The following RPTOR variants were observed in gnomAD, a reference collection of about 807,000 sequenced individuals.
The protein encoded by RPTOR is regulatory associated protein of MTOR complex 1, also known as regulatory-associated protein of mTOR.
RPTOR carries 21 observed loss-of-function variants against 169.9 expected under a neutral mutation model. The observed-to-expected ratio is 0.12, with a 90% CI of 0.09 to 0.18. The LOEUF is 0.18. RPTOR is among the 10% of genes least tolerant of loss of function. RPTOR has a pLI of 1.00. For missense variants in RPTOR, 1,133 were observed against 1,855.9 expected (o/e 0.61, Z 7.16); for synonymous variants, 732 against 753.2 (o/e 0.97, Z 0.46).
intron 20 of RPTOR, among the ~76,000 whole-genome samples, chr17:80,904,511 T>G (rs1175586279): frequency 3.3e-5 from 5 of 152,152 alleles, no homozygotes; most frequent in African/African-American, 9.7e-5. Flanking sequence ...CTGTGGCCAT[T>G]GGGCTCTGAA....
intron 1 of RPTOR, among the ~76,000 whole-genome samples, chr17:80,547,314 A>T (rs4890041): frequency 0.34 from 51,814 of 151,984 alleles, 9,745 homozygotes; most frequent in African/African-American, 0.47. Flanking sequence ...AAGACTTTTT[A>T]AAAAATTCTT....
At chr17:80,848,197 T>G (rs921322612) in intron 11 of RPTOR, among the ~76,000 whole-genome samples, 31 of 152,186 alleles carry the variant, frequency 2.0e-4, no homozygotes, top group Non-Finnish European at 4.4e-5. Flanking sequence ...TGATCCCAGC[T>G]CCTCAGTAGG....
chr17:80,734,422 G>A lies in RPTOR; in HGVS notation c.654+3716G>A, dbSNP rs79693682. Among the ~76,000 whole-genome samples, 835 of 152,254 alleles carry A rather than the reference G, an allele frequency of 5.5e-3. 9 individuals are homozygous for A. The highest frequency in any genetic ancestry group is 0.019 in the African/African-American group (803 of 41,524). ...CTCGATTTTCTCCTTTGTTCTCCTA[G>A]GGGAAATCCTCAAGCACTGCCCTAA... On this transcript the variant is annotated intron_variant, in intron 5 of 33. Transcript: ENST00000306801.
At position 80,940,537 on chromosome 17, in the gene RPTOR, G is replaced by A; in HGVS notation, c.2961G>A (p.Glu987=). The change falls in exon 25 of 34, where the codon GAG becomes GAA. Residue 987 remains glutamate, a synonymous_variant. Transcript: ENST00000306801. The part of the protein sequence containing the change: ...EHDLESQIRK[E]REWRFLRNSR... ...ACCTGGAGAGTCAGATCCGCAAGGA[G>A]CGGGAGTGGCGGTTCCTGCGAAACA... The A allele has an allele frequency of 1.2e-6, 2 of 1,613,606 alleles. No individual in the cohort carries two copies. The highest frequency in any genetic ancestry group is 8.5e-7 in the Non-Finnish European group (1 of 1,179,852).
intron 13 of RPTOR, among the ~76,000 whole-genome samples, chr17:80,872,974 G>A (rs1033112412): frequency 2.6e-5 from 4 of 152,228 alleles, no homozygotes; most frequent in East Asian, 1.9e-4. Context: ...AGCCTAGAGC[G>A]GGCCCCCCAC....
chr17:80,882,841 A>G (rs1006406060), intron 14 of RPTOR, among the ~76,000 whole-genome samples: 5 of 152,360 alleles, frequency 3.3e-5, no homozygotes, highest in African/African-American at 9.6e-5. Context: ...GAGCCCTGCA[A>G]TAATCCAAGA....
Position 80,855,560 on chromosome 17 carries a change from C to A in RPTOR, c.1398+13C>A, listed in dbSNP as rs775430040. On this transcript the variant is annotated intron_variant, in intron 12 of 33. Transcript: ENST00000306801. ...GGCAGTGAGCCTGGTGCGTGCCTTC[C>A]GCATTAACCTGGGGGCTGAGGGAGG... is the stretch of plus-strand genomic sequence containing the variant. The A allele has an allele frequency of 1.9e-5, 31 of 1,596,314 alleles. No homozygotes were observed. The highest frequency in any genetic ancestry group is 2.6e-5 in the Non-Finnish European group (30 of 1,163,892).
At chr17:80,585,469 G>T (rs2065052442) in intron 1 of RPTOR, among the ~76,000 whole-genome samples, 1 of 152,142 alleles carries the variant, frequency 6.6e-6, no homozygotes, top group African/African-American at 2.4e-5. Flanking sequence ...CTCCCAAAGT[G>T]CTGGGATTAC....
chr17:80,679,529 A>T (rs2143702091), intron 3 of RPTOR, among the ~76,000 whole-genome samples: 1 of 152,264 alleles, frequency 6.6e-6, no homozygotes, highest in Non-Finnish European at 1.5e-5. Flanking sequence ...AATGCATTTA[A>T]ACTTAAGAAT....
chr17:80,921,265 G>A (rs572788561), intron 21 of RPTOR, among the ~76,000 whole-genome samples: 74 of 152,366 alleles, frequency 4.9e-4, no homozygotes, highest in Non-Finnish European at 9.6e-4. Context: ...ATGGGCCGGC[G>A]CTCAGGGAAT....
intron 24 of RPTOR, among the ~76,000 whole-genome samples, chr17:80,937,478 G>A (rs1253510620): frequency 6.6e-6 from 1 of 152,148 alleles, no homozygotes; most frequent in Non-Finnish European, 1.5e-5. Context: ...AACAGGAAAG[G>A]AGTTGTGTTT....
At chr17:80,944,586 C>A (rs999959845) in intron 25 of RPTOR, among the ~76,000 whole-genome samples, 1 of 152,240 alleles carries the variant, frequency 6.6e-6, no homozygotes, top group African/African-American at 2.4e-5. Flanking sequence ...AGCAGGTGGT[C>A]AGGCCCCTCC....
intron 3 of RPTOR, among the ~76,000 whole-genome samples, chr17:80,680,543 C>T (rs565880641): frequency 5.3e-5 from 8 of 152,208 alleles, no homozygotes; most frequent in East Asian, 1.9e-4. Flanking sequence ...GCAGGAGAAT[C>T]GCTTGAACCC....
chr17:80,893,471 C>G (rs529883341), intron 19 of RPTOR, among the ~76,000 whole-genome samples: 1 of 114,106 alleles, frequency 8.8e-6, no homozygotes, highest in Non-Finnish European at 1.8e-5. Flanking sequence ...CAGGTTGTGT[C>G]TGTACGCGCC....
rs55781163 is a variant in RPTOR at position 80,820,758 on chromosome 17, T to A, written c.891-1443T>A. Among the ~76,000 whole-genome samples the A allele has an allele frequency of 0.036, 5,520 of 152,250 alleles. 148 individuals carry two copies. The highest frequency in any genetic ancestry group is 0.07 in the East Asian group (361 of 5,174). On this transcript the variant is annotated intron_variant, in intron 7 of 33. Coordinates refer to ENST00000306801, the MANE Select transcript of RPTOR (RefSeq NM_020761.3). This position sits in a 1 kb window ranked among gnomAD's most constrained non-coding sequence, Gnocchi z 4.1. ...ACGAGTCTCTGCTGTCCTTGTGCCG[T>A]GTGTTCGCCTCCAGGCCTGGGTTTC...
intron 3 of RPTOR, among the ~76,000 whole-genome samples, chr17:80,674,481 G>C (rs180680479): frequency 2.0e-3 from 304 of 152,302 alleles, no homozygotes; most frequent in Non-Finnish European, 3.2e-3. Flanking sequence ...GTTATGGAAG[G>C]GTGGGGTGGA....
intron 17 of RPTOR, among the ~76,000 whole-genome samples, chr17:80,886,482 G>A (rs528940901): frequency 9.2e-5 from 14 of 152,216 alleles, no homozygotes; most frequent in East Asian, 1.9e-4. Flanking sequence ...ATCAACTCAC[G>A]TTTGGTGGAC....
intron 3 of RPTOR, among the ~76,000 whole-genome samples, chr17:80,663,582 G>A (rs181314439): frequency 7.9e-4 from 121 of 152,334 alleles, no homozygotes; most frequent in Admixed American, 1.1e-3. Flanking sequence ...CTGAATGGCA[G>A]GGAGTGAAGG....
Position 80,823,237 on chromosome 17 carries a change from G to T in RPTOR, c.1136+14G>T, listed in dbSNP as rs1005422442. On this transcript the variant is annotated intron_variant, in intron 9 of 33. Transcript: ENST00000306801. This position sits in a 1 kb window ranked among gnomAD's most constrained non-coding sequence, Gnocchi z 4.5. Reference sequence around the variant, plus strand: ...GCACGCCATGTGGTGAGTGTTTCAGGATCCTCCAGGTGCCGTGCTCCCCCG... The same window carrying T: ...GCACGCCATGTGGTGAGTGTTTCAGTATCCTCCAGGTGCCGTGCTCCCCCG... The T allele has an allele frequency of 6.2e-7, 1 of 1,612,552 alleles. No individual in the cohort carries two copies. Among genetic ancestry groups the T allele is most frequent in the African/African-American group, 1.3e-5 (1 of 75,012 alleles).
Sources: gnomAD v4.1 joint callset for allele counts (sites outside exome capture counted in the v4.1 genomes callset) on GRCh38, gnomAD v4.1.1 for gene constraint, Gnocchi (gnomAD v3.1) non-coding constraint, MANE v1.5 for transcripts, NCBI Gene and HGNC (gene_info 2026-07-23, HGNC 2026-07-21) for gene names.